The following LAMC3 variants were observed in gnomAD, a reference collection of about 807,000 sequenced individuals.
The protein encoded by LAMC3 is laminin subunit gamma 3.
LAMC3 carries 128 observed loss-of-function variants against 173.8 expected under a neutral mutation model. The observed-to-expected ratio is 0.74, with a 90% CI of 0.64 to 0.85. LAMC3 has a LOEUF of 0.85. LAMC3 is among the 40% of genes least tolerant of loss of function. LAMC3 has a pLI of 0.00. For missense variants in LAMC3, 2,022 were observed against 2,156.0 expected, an observed-to-expected ratio of 0.94 and a Z score of 1.23; for synonymous variants, 897 against 909.1, an observed-to-expected ratio of 0.99 and a Z score of 0.24.
At chr9:131,078,335 C>CA (rs1432132895) in intron 22 of LAMC3, among the ~76,000 whole-genome samples, 3 of 151,846 alleles carry the variant, frequency 2.0e-5, no homozygotes, top group Non-Finnish European at 2.9e-5. Flanking sequence ...ACTAAAAATA[C>CA]AAAAAAATTA....
At chr9:131,044,583 G>GTGAT (rs1397831484) in intron 7 of LAMC3, among the ~76,000 whole-genome samples, 1 of 152,198 alleles carries the variant, frequency 6.6e-6, no homozygotes, top group Non-Finnish European at 1.5e-5. Flanking sequence ...CTGGACCGTG[G>GTGAT]TGATTGCACA....
chr9:131,051,141 A>G (rs1037016735), intron 9 of LAMC3, among the ~76,000 whole-genome samples: 2 of 152,168 alleles, frequency 1.3e-5, no homozygotes, highest in African/African-American at 4.8e-5. Flanking sequence ...GCGCTACAGA[A>G]TTTGAGGGAT....
chr9:131,077,145 G>A, intron 21 of LAMC3, 42 bp from the exon 22 acceptor site: 3 of 1,610,342 alleles, frequency 1.9e-6, no homozygotes, highest in South Asian at 1.1e-5. Flanking sequence ...GATGGGGAGG[G>A]CTAGTTCTGC....
chr9:131,060,772 T>G (rs534902611), intron 12 of LAMC3, among the ~76,000 whole-genome samples: 1 of 152,282 alleles, frequency 6.6e-6, no homozygotes, highest in East Asian at 1.9e-4. Context: ...GTGCTGTGGT[T>G]GTTCCCATTT....
intron 1 of LAMC3, among the ~76,000 whole-genome samples, chr9:131,014,083 G>A (rs1350917201): frequency 6.6e-6 from 1 of 152,236 alleles, no homozygotes; most frequent in Non-Finnish European, 1.5e-5. Flanking sequence ...CCTGGGCCCA[G>A]CTGGCCTTGG....
In LAMC3 at chr9:131,092,363, T is replaced by C. The variant is rs1830441130; in HGVS notation, c.*576T>C. 1 of 164,424 alleles carries C rather than the reference T, an allele frequency of 6.1e-6. No homozygotes were observed. The highest frequency in any genetic ancestry group is 1.3e-5 in the Non-Finnish European group (1 of 74,644). The allele number at this position is 164,424 out of a possible 1,614,324, so 10.2% of individuals were successfully genotyped here. A position where few individuals can be genotyped will look rare whatever the true frequency, so the allele number is the denominator to read the frequency against. ...TTTCACAGCAGCTCCCTGACCTGTGTTGCTGCGTGCACTCCCTACAGCTCG... is the reference window on the plus strand; with the variant it reads ...TTTCACAGCAGCTCCCTGACCTGTGCTGCTGCGTGCACTCCCTACAGCTCG... On this transcript the variant is annotated 3_prime_UTR_variant, in exon 28 of 28. Coordinates refer to ENST00000361069, the MANE Select transcript of LAMC3 (RefSeq NM_006059.4).
At chr9:131,085,803 C>T (rs1355878861) in intron 25 of LAMC3, 80 bp downstream of exon 25, 10 of 1,334,974 alleles carry the variant, frequency 7.5e-6, no homozygotes, top group Middle Eastern at 2.2e-4. Context: ...TCCCGACATC[C>T]GTGCTGACTA....
In LAMC3 at chr9:131,026,632, A is replaced by C; in HGVS notation, c.678+43A>C. 6.6e-7 allele frequency: 1 copy of C among 1,518,712 alleles called. No individual in the cohort carries two copies. Among genetic ancestry groups the C allele is most frequent in the South Asian group, 1.3e-5 (1 of 79,908 alleles). 94.1% of individuals were successfully genotyped at this position (1,518,712 alleles called of 1,614,324 possible). ...CTTCGGAGGTTGGGACGGGGTTGGGACTGGGTCACGGCAGTAGGAGGGTCT... is the reference window on the plus strand; with the variant it reads ...CTTCGGAGGTTGGGACGGGGTTGGGCCTGGGTCACGGCAGTAGGAGGGTCT... On this transcript the variant is annotated intron_variant, in intron 2 of 27. Coordinates refer to ENST00000361069, the MANE Select transcript of LAMC3 (RefSeq NM_006059.4). The surrounding 1 kb of genome is among the most constrained non-coding windows in gnomAD (Gnocchi z 4.8).
rs765163533 is a variant in LAMC3, at chr9:131,061,206, G to GC, written c.2336dup (p.Gln781ProfsTer7). On this transcript the variant is annotated frameshift_variant, in exon 13 of 28. Transcript: ENST00000361069. LOFTEE classifies it high-confidence loss of function. ...AGCCGGGAGGTGGTGTGTACCCACT[G>GC]CCCCCCGGGCCAGAGAGGTAAGTGA... 4 of 1,607,260 alleles carry GC rather than the reference G, an allele frequency of 2.5e-6. No homozygotes were observed. Among genetic ancestry groups the GC allele is most frequent in the Non-Finnish European group, 8.5e-7 (1 of 1,179,202 alleles).
At chr9:131,038,241 C>T (rs1209901717) in intron 4 of LAMC3, among the ~76,000 whole-genome samples, 1 of 152,210 alleles carries the variant, frequency 6.6e-6, no homozygotes, top group African/African-American at 2.4e-5. Context: ...CCAAAGCCCC[C>T]AGCCTCTCCT....
At chr9:131,053,512 A>G (rs1834339367) in intron 11 of LAMC3, among the ~76,000 whole-genome samples, 1 of 152,166 alleles carries the variant, frequency 6.6e-6, no homozygotes, top group African/African-American at 2.4e-5. Context: ...TCTGTTCCTC[A>G]TTAGAACCTC....
intron 3 of LAMC3, 47 bp downstream of exon 3, chr9:131,032,222 C>A (rs1191778226): frequency 2.1e-6 from 3 of 1,413,744 alleles, no homozygotes; most frequent in Non-Finnish European, 3.0e-6. Context: ...AGGACCCAAA[C>A]CCGAGAGCGG....
chr9:131,077,377 T>C (rs749468596), intron 22 of LAMC3, 43 bp downstream of exon 22: 2 of 1,609,304 alleles, frequency 1.2e-6, no homozygotes, highest in African/African-American at 1.3e-5. Context: ...GTCGGGAGGA[T>C]CTATTATAGA....
At chr9:131,013,395 G>T (rs1244327924) in intron 1 of LAMC3, among the ~76,000 whole-genome samples, 1 of 152,152 alleles carries the variant, frequency 6.6e-6, no homozygotes, top group Non-Finnish European at 1.5e-5. Flanking sequence ...AAAGACCTGA[G>T]TCCCCCAAGC....
intron 19 of LAMC3, 120 bp from the exon 20 acceptor site, chr9:131,073,125 G>T: frequency 2.4e-6 from 2 of 818,938 alleles, no homozygotes; most frequent in Non-Finnish European, 4.2e-6. Flanking sequence ...GTTGTGGCCA[G>T]CTTTGTGCAT....
chr9:131,051,524 C>A (rs966247367), intron 9 of LAMC3, among the ~76,000 whole-genome samples: 2 of 151,788 alleles, frequency 1.3e-5, no homozygotes, highest in Admixed American at 6.6e-5. Flanking sequence ...CCACCATGCC[C>A]GGCTAATTTT....
At position 131,056,928 on chromosome 9, in the gene LAMC3, G is replaced by C. The variant is rs11244265; in HGVS notation, c.1940-1G>C. The C allele has an allele frequency of 6.2e-7, 1 of 1,611,578 alleles. No individual in the cohort carries two copies. The highest frequency in any genetic ancestry group is 8.5e-7 in the Non-Finnish European group (1 of 1,179,656). On this transcript the variant is annotated splice_acceptor_variant, in intron 11 of 27. Coordinates refer to ENST00000361069, the MANE Select transcript of LAMC3 (RefSeq NM_006059.4). LOFTEE classifies it high-confidence loss of function. ...TTCCTCTCTCCCTTCTCGCTCTGCA[G>C]GTCCAGTGTTCCTGACTGAGGTCCG... is the stretch of plus-strand genomic sequence containing the variant.
At chr9:131,054,467 T>C (rs1022930039) in intron 11 of LAMC3, among the ~76,000 whole-genome samples, 2 of 152,126 alleles carry the variant, frequency 1.3e-5, no homozygotes, top group East Asian at 1.9e-4. Context: ...GAAATGTGAT[T>C]ACACAGCCGG....
At chr9:131,031,337 G>A (rs2133234152) in intron 2 of LAMC3, among the ~76,000 whole-genome samples, 1 of 152,354 alleles carries the variant, frequency 6.6e-6, no homozygotes, top group Non-Finnish European at 1.5e-5. Context: ...CTTCCATGGG[G>A]AAGCTGCTCA....
Sources: allele counts gnomAD v4.1 joint callset (sites outside exome capture counted in the v4.1 genomes callset), GRCh38; gene constraint gnomAD v4.1.1; non-coding constraint Gnocchi (gnomAD v3.1); transcripts MANE v1.5; gene names NCBI Gene and HGNC (gene_info 2026-07-23, HGNC 2026-07-21).